Variants in B4GALT2 observed in about 807,000 individuals in gnomAD.
B4GALT2 encodes beta-1,4-galactosyltransferase 2, also known as N-acetyllactosamine synthase.
In B4GALT2, 18 loss-of-function variants were observed where a neutral mutation model predicts 33.2. That is an observed-to-expected ratio of 0.54 (90% CI 0.38 to 0.80). The LOEUF is 0.80. B4GALT2 is among the 30% of genes least tolerant of loss of function. The probability of loss-of-function intolerance (pLI) is 0.00; values close to 1 mark genes in which losing one functional copy is unlikely to be tolerated. For missense variants in B4GALT2, 404 were observed against 526.2 expected (o/e 0.77, Z 2.27); for synonymous variants, 214 against 217.6 (o/e 0.98, Z 0.15).
rs2085567712 is a variant in B4GALT2 at position 43,979,351 on chromosome 1, G to GGCA, written c.-211_-210insAGC. Reference sequence around the variant, plus strand: ...CTCCATGGCCCGCGGCGGCGGCGGCGGCGGCGGCGGCGGGAGGCGACCCGG... The same window carrying GGCA: ...CTCCATGGCCCGCGGCGGCGGCGGCGGCAGCGGCGGCGGCGGGAGGCGACCCGG... On this transcript the variant is annotated 5_prime_UTR_variant, in exon 1 of 7. Coordinates refer to ENST00000372324, the MANE Select transcript of B4GALT2 (RefSeq NM_003780.5). This position sits in a 1 kb window ranked among gnomAD's most constrained non-coding sequence, Gnocchi z 4.8. 6.7e-6 allele frequency: 1 copy of GGCA among 148,370 alleles called. No individual in the cohort carries two copies. Among genetic ancestry groups the GGCA allele is most frequent in the Admixed American group, 6.8e-5 (1 of 14,726 alleles). The allele number at this position is 148,370 out of a possible 1,614,324, so 9.2% of individuals were successfully genotyped here.
At position 43,985,337 on chromosome 1, in the gene B4GALT2, G is replaced by A. The variant is rs769412901; in HGVS notation, c.800G>A (p.Arg267Lys). 1.2e-6 allele frequency: 2 copies of A among 1,610,686 alleles called. No individual in the cohort carries two copies. The highest frequency in any genetic ancestry group is 1.1e-5 in the South Asian group (1 of 90,964). ...VSGLSKAQFL[R>K]INGFPNEYWG... ...GGCCTGAGTAAGGCTCAGTTTCTGA[G>A]AATCAATGGCTTCCCCAATGAGTAC... The change falls in exon 5 of 7, where the codon AGA (arginine) becomes AAA (lysine). Residue 267 changes from arginine to lysine, a missense_variant. Physicochemically the swap from Arg to Lys is conservative, Grantham distance 26 (BLOSUM62 2). Coordinates refer to ENST00000372324, the MANE Select transcript of B4GALT2 (RefSeq NM_003780.5).
Position 43,985,318 on chromosome 1 carries a change from A to C in B4GALT2, c.781A>C (p.Ser261Arg). The change falls in exon 5 of 7, where the codon AGT (serine) becomes CGT (arginine). Residue 261 changes from serine (S) to arginine (R), a missense_variant. Transcript: ENST00000372324. ...AGYFGGVSGL[S>R]KAQFLRINGF... ...CTACTTTGGAGGTGTGTCAGGCCTG[A>C]GTAAGGCTCAGTTTCTGAGAATCAA... The C allele has an allele frequency of 6.2e-7, 1 of 1,613,060 alleles. No individual in the cohort carries two copies.
At chr1:43,990,188 T>TG (rs2085711558) in intron 6 of B4GALT2, 110 bp from the exon 7 acceptor site, 2 of 1,393,402 alleles carry the variant, frequency 1.4e-6, no homozygotes, top group Non-Finnish European at 2.0e-6. Context: ...TAAGGTTCCC[T>TG]GGGGTCCCCT....
intron 1 of B4GALT2, 148 bp from the exon 2 acceptor site, chr1:43,980,961 A>C: frequency 8.7e-7 from 1 of 1,147,630 alleles, no homozygotes. Context: ...TTTGGAGGTA[A>C]ATTCTTGAGT....
intron 6 of B4GALT2, among the ~76,000 whole-genome samples, chr1:43,988,460 C>G (rs1281811896): frequency 6.6e-6 from 1 of 151,612 alleles, no homozygotes; most frequent in African/African-American, 2.4e-5. Context: ...TAGTTCGAGA[C>G]CAGCCTGGCC....
chr1:43,979,841 C>A lies in B4GALT2; in HGVS notation c.-53+330C>A, dbSNP rs2085574299. 1 of 672,536 alleles carries A rather than the reference C, an allele frequency of 1.5e-6. No homozygotes were observed. Among genetic ancestry groups the A allele is most frequent in the East Asian group, 3.0e-5 (1 of 33,148 alleles). The allele number at this position is 672,536 out of a possible 1,614,324, so 41.7% of individuals were successfully genotyped here. On this transcript the variant is annotated intron_variant, in intron 1 of 6. Transcript: ENST00000372324. This position sits in a 1 kb window ranked among gnomAD's most constrained non-coding sequence, Gnocchi z 4.8. The stretch of plus-strand genomic sequence containing the variant: ...CCCCTGCCCCCAGGCTCCACACCCA[C>A]CCGGTCTGTGCGGCCTGCCCGTCCG...
Position 43,985,439 on chromosome 1 carries a change from G to GGGA in B4GALT2, c.863+41_863+42insAGG, listed in dbSNP as rs2085646530. ...CGGTGGGGAATAGGCTGGGTGGGGG[G>GGGA]GGGAGGGGGGGTGCAGACTGGGTGG... On this transcript the variant is annotated intron_variant, in intron 5 of 6. Coordinates refer to ENST00000372324, the MANE Select transcript of B4GALT2 (RefSeq NM_003780.5). 6.5e-6 allele frequency: 4 copies of GGGA among 612,892 alleles called. No individual in the cohort carries two copies. The African/African-American group carries it at 7.3e-5, about 11-fold the overall frequency. The allele number at this position is 612,892 out of a possible 1,614,324, so 38.0% of individuals were successfully genotyped here. A position where few individuals can be genotyped will look rare whatever the true frequency, so the allele number is the denominator to read the frequency against.
At position 43,979,908 on chromosome 1, in the gene B4GALT2, C is replaced by A; in HGVS notation, c.-53+397C>A. 1 of 1,357,386 alleles carries A rather than the reference C, an allele frequency of 7.4e-7. No homozygotes were observed. The highest frequency in any genetic ancestry group is 1.0e-6 in the Non-Finnish European group (1 of 1,000,282). 84.1% of individuals were successfully genotyped at this position (1,357,386 alleles called of 1,614,324 possible). On this transcript the variant is annotated intron_variant, in intron 1 of 6. Coordinates refer to ENST00000372324, the MANE Select transcript of B4GALT2 (RefSeq NM_003780.5). This position sits in a 1 kb window ranked among gnomAD's most constrained non-coding sequence, Gnocchi z 4.8. ...AGCCTGCCAGCCCCGCCCAAACGCA[C>A]CCCTCAGCCTGGCCGCCAGCCTGAC...
intron 6 of B4GALT2, among the ~76,000 whole-genome samples, chr1:43,986,780 G>A (rs2085663910): frequency 6.6e-6 from 1 of 152,198 alleles, no homozygotes; most frequent in African/African-American, 2.4e-5. Context: ...TGGGGTTTGT[G>A]TTTAGAAGGC....
At chr1:43,985,452 G>GGCT (rs751963960) in intron 5 of B4GALT2, 52 bp downstream of exon 5, 1 of 828,574 alleles carries the variant, frequency 1.2e-6, no homozygotes, top group African/African-American at 2.0e-5. Flanking sequence ...GAGGGGGGGT[G>GGCT]CAGACTGGGT....
chr1:43,980,132 G>A (rs2085578566), intron 1 of B4GALT2: 1 of 1,350,686 alleles, frequency 7.4e-7, no homozygotes, highest in African/African-American at 1.5e-5. Context: ...GTGACCAGCT[G>A]GGACCAGGGT....
chr1:43,980,504 G>A, intron 1 of B4GALT2: 3 of 993,924 alleles, frequency 3.0e-6, no homozygotes, highest in Non-Finnish European at 3.6e-6. Flanking sequence ...TCCCAGCCTG[G>A]TCCCAGTTGG....
rs201328727 is a variant in B4GALT2 at position 43,985,070 on chromosome 1, C to G, written c.740+15C>G. 62 of 1,612,078 alleles carry G rather than the reference C, an allele frequency of 3.8e-5. No homozygotes were observed. In the East Asian group the frequency reaches 4.5e-4, roughly 12 times the overall value. ...TTTGGCTTCCGGTGAGGGCTCTCTTCTCAGCTGGACCCAGCCCTCCTGCCC... is the reference window on the plus strand; with the variant it reads ...TTTGGCTTCCGGTGAGGGCTCTCTTGTCAGCTGGACCCAGCCCTCCTGCCC... On this transcript the variant is annotated intron_variant, in intron 4 of 6. Transcript: ENST00000372324.
intron 6 of B4GALT2, among the ~76,000 whole-genome samples, chr1:43,988,258 C>A (rs1313327412): frequency 6.6e-6 from 1 of 151,760 alleles, no homozygotes; most frequent in East Asian, 1.9e-4. Context: ...TGTCTGTAAT[C>A]CCAGCACTTT....
At chr1:43,985,747 A>G in intron 6 of B4GALT2, 126 bp downstream of exon 6, 1 of 852,252 alleles carries the variant, frequency 1.2e-6, no homozygotes, top group South Asian at 1.5e-5. Context: ...GACTCCAAAA[A>G]GGTGACTCCC....
In B4GALT2 at chr1:43,981,415, C is replaced by T. The variant is rs1186815136; in HGVS notation, c.255C>T (p.Ala85=). Residue 85 remains alanine, a synonymous_variant, in exon 2 of 7, where the codon GCC becomes GCT. Transcript: ENST00000372324. This position sits in a 1 kb window ranked among gnomAD's most constrained non-coding sequence, Gnocchi z 8.1. ...SSSGLPEVPS[A]LPGPTAPTLP... is the part of the protein sequence containing the mutation. ...CCGGGCTCCCTGAGGTCCCCAGTGCCCTGCCCGGTCCCACGGCTCCCACGC... is the reference window on the plus strand; with the variant it reads ...CCGGGCTCCCTGAGGTCCCCAGTGCTCTGCCCGGTCCCACGGCTCCCACGC... 1 of 1,595,544 alleles carries T rather than the reference C, an allele frequency of 6.3e-7. No homozygotes were observed. The highest frequency in any genetic ancestry group is 1.7e-5 in the Admixed American group (1 of 59,918).
Position 43,988,995 on chromosome 1 carries a change from A to G in B4GALT2, c.969-1303A>G, listed in dbSNP as rs372197828. ...CCAAATCAACCCTGGAAGGAGCCAG[A>G]TTGGCTTAAGCCTAGGCCCCAGAGA... is the stretch of plus-strand genomic sequence containing the variant. On this transcript the variant is annotated intron_variant, in intron 6 of 6. Coordinates refer to ENST00000372324, the MANE Select transcript of B4GALT2 (RefSeq NM_003780.5). Among the ~76,000 whole-genome samples, 11 of 152,294 alleles carry G rather than the reference A, an allele frequency of 7.2e-5. No homozygotes were observed. In the South Asian group the frequency reaches 2.3e-3, roughly 32 times the overall value.
chr1:43,980,149 G>T, intron 1 of B4GALT2: 1 of 1,246,864 alleles, frequency 8.0e-7, no homozygotes, highest in East Asian at 3.1e-5. Flanking sequence ...GGGTGTCCCT[G>T]TGATTCTGTG....
intron 6 of B4GALT2, among the ~76,000 whole-genome samples, 158 bp from the exon 7 acceptor site, chr1:43,990,140 T>A (rs572751746): frequency 6.6e-6 from 1 of 152,344 alleles, no homozygotes; most frequent in African/African-American, 2.4e-5. Context: ...CATGGCATGT[T>A]TGACGTCCCT....
Sources: gnomAD v4.1 joint callset for allele counts (sites outside exome capture counted in the v4.1 genomes callset) on GRCh38, gnomAD v4.1.1 for gene constraint, Gnocchi (gnomAD v3.1) non-coding constraint, MANE v1.5 for transcripts, NCBI Gene and HGNC (gene_info 2026-07-23, HGNC 2026-07-21) for gene names.